The following PLET1 variants were observed in gnomAD, a reference collection of about 807,000 sequenced individuals.
PLET1 encodes placenta expressed transcript 1.
Under a neutral mutation model 18.5 loss-of-function variants are expected in PLET1, and 20 were observed. The ratio of observed to expected loss-of-function variants is 1.08; its 90% CI spans 0.76 to 1.57. PLET1 has a LOEUF of 1.57. Ranked by LOEUF, PLET1 falls within the 40% of genes most tolerant of loss-of-function variation. The probability of loss-of-function intolerance (pLI) is 0.00; values close to 1 mark genes in which losing one functional copy is unlikely to be tolerated. For missense variants in PLET1, 256 were observed against 246.4 expected (o/e 1.04, Z -0.26); for synonymous variants, 93 against 93.8 (o/e 0.99, Z 0.05).
chr11:112,251,128 A>C (rs1860150647), intron 3 of PLET1, among the ~76,000 whole-genome samples: 1 of 152,170 alleles, frequency 6.6e-6, no homozygotes, highest in South Asian at 2.1e-4. Context: ...AAAGTCATTC[A>C]AAAACAATGT....
At position 112,248,351 on chromosome 11, in the gene PLET1, C is replaced by T. The variant is rs1250440214; in HGVS notation, c.*448G>A. 3 of 376,840 alleles carry T rather than the reference C, an allele frequency of 8.0e-6. No homozygotes were observed. Among genetic ancestry groups the T allele is most frequent in the African/African-American group, 6.2e-5 (3 of 48,192 alleles). The allele number at this position is 376,840 out of a possible 1,614,324, so 23.3% of individuals were successfully genotyped here. A position where few individuals can be genotyped will look rare whatever the true frequency, so the allele number is the denominator to read the frequency against. On this transcript the variant is annotated 3_prime_UTR_variant, in exon 4 of 4. Coordinates refer to ENST00000338832, the MANE Select transcript of PLET1 (RefSeq NM_001145024.1). The stretch of plus-strand genomic sequence containing the variant: ...CTCCTTTCTCCTTTCTTTCTTGAGT[C>T]ACATGAGTCACAGAAGTTCCTTGTA...
intron 1 of PLET1, among the ~76,000 whole-genome samples, chr11:112,257,601 C>T (rs976021389): frequency 6.6e-6 from 1 of 151,708 alleles, no homozygotes; most frequent in African/African-American, 2.4e-5. Flanking sequence ...TCCCTCTTGC[C>T]CATAGAAGTT....
chr11:112,252,831 A>G (rs1376938671), intron 2 of PLET1, among the ~76,000 whole-genome samples: 1 of 152,180 alleles, frequency 6.6e-6, no homozygotes, highest in Non-Finnish European at 1.5e-5. Flanking sequence ...CTCTGTCCCC[A>G]TGGGAGGACC....
chr11:112,254,061 A>G (rs1429805227), intron 2 of PLET1, among the ~76,000 whole-genome samples: 1 of 152,214 alleles, frequency 6.6e-6, no homozygotes, highest in Non-Finnish European at 1.5e-5. Context: ...TTACACAATC[A>G]TCACACTTTC....
chr11:112,254,415 A>ACGTGTGTG (rs1860190980), intron 2 of PLET1, among the ~76,000 whole-genome samples: 3 of 120,706 alleles, frequency 2.5e-5, no homozygotes, highest in Admixed American at 8.6e-5. Context: ...TCGTGTGTGT[A>ACGTGTGTG]TGGTATGTAC....
intron 3 of PLET1, 61 bp downstream of exon 3, chr11:112,252,284 AGGT>A: frequency 1.4e-6 from 2 of 1,421,840 alleles, no homozygotes; most frequent in South Asian, 2.5e-5. Flanking sequence ...GGAACCCACA[AGGT>A]AATTTTCCAG....
Position 112,255,541 on chromosome 11 carries a change from A to C in PLET1, c.233T>G (p.Leu78Trp). 6.4e-7 allele frequency: 1 copy of C among 1,551,450 alleles called. No homozygotes were observed. Among genetic ancestry groups the C allele is most frequent in the Non-Finnish European group, 8.7e-7 (1 of 1,146,844 alleles). ...GCCCGCTGAGTCACTGTTCTCGTCCAAGGTTTTCATGACCACAGCATAGAC... is the reference window on the plus strand; with the variant it reads ...GCCCGCTGAGTCACTGTTCTCGTCCCAGGTTTTCATGACCACAGCATAGAC... ...DSVYAVVMKT[L>W]DENSDSAGLW... The change falls in exon 2 of 4, where the codon TTG (leucine) becomes TGG (tryptophan). Residue 78 changes from leucine to tryptophan, a missense_variant. Leu to Trp is a moderately conservative substitution (Grantham distance 61). Coordinates refer to ENST00000338832, the MANE Select transcript of PLET1 (RefSeq NM_001145024.1).
At chr11:112,259,214 G>T (rs1860259429) in intron 1 of PLET1, among the ~76,000 whole-genome samples, 1 of 152,204 alleles carries the variant, frequency 6.6e-6, no homozygotes, top group Admixed American at 6.5e-5. Flanking sequence ...CTACTATAAG[G>T]AAGAGTATAT....
At chr11:112,259,107 T>G (rs757432318) in intron 1 of PLET1, among the ~76,000 whole-genome samples, 2 of 152,244 alleles carry the variant, frequency 1.3e-5, no homozygotes, top group African/African-American at 2.4e-5. Context: ...TTAGTGTAAA[T>G]TTTTAACTTC....
chr11:112,254,103 G>A (rs770333579), intron 2 of PLET1, among the ~76,000 whole-genome samples: 13 of 152,042 alleles, frequency 8.6e-5, no homozygotes, highest in Non-Finnish European at 1.9e-4. Context: ...GTGAATCCAT[G>A]TTTTAAAAAA....
chr11:112,254,519 GGTAT>G (rs768831418), intron 2 of PLET1, among the ~76,000 whole-genome samples: 5 of 144,536 alleles, frequency 3.5e-5, no homozygotes, highest in Admixed American at 1.4e-4. Flanking sequence ...TGGTGTGTGT[GGTAT>G]GTATGTGTGT....
At chr11:112,259,494 T>C (rs1860262924) in intron 1 of PLET1, among the ~76,000 whole-genome samples, 1 of 152,212 alleles carries the variant, frequency 6.6e-6, no homozygotes, top group Non-Finnish European at 1.5e-5. Context: ...AAAAAATATC[T>C]ACTGGACACC....
Position 112,260,695 on chromosome 11 carries a change from T to G in PLET1, c.-106A>C. On this transcript the variant is annotated 5_prime_UTR_variant, in exon 1 of 4. Coordinates refer to ENST00000338832, the MANE Select transcript of PLET1 (RefSeq NM_001145024.1). ...CTGGGTGAAGTCATACATGCAGATCTTCTCCCTGCCCCTTCTGAATATACA... is the reference window on the plus strand; with the variant it reads ...CTGGGTGAAGTCATACATGCAGATCGTCTCCCTGCCCCTTCTGAATATACA... 1.0e-6 allele frequency: 1 copy of G among 969,828 alleles called. No individual in the cohort carries two copies. Among genetic ancestry groups the G allele is most frequent in the Non-Finnish European group, 1.5e-6 (1 of 659,592 alleles). 60.1% of individuals were successfully genotyped at this position (969,828 alleles called of 1,614,324 possible).
chr11:112,255,517 C>T lies in PLET1; in HGVS notation c.257G>A (p.Gly86Asp), dbSNP rs992964811. Reference protein sequence around the residue: ...KTLDENSDSAGLWQRADKNCY... With the variant: ...KTLDENSDSADLWQRADKNCY... Reference sequence around the variant, plus strand: ...ATTTTTATCCGCTCTTTGCCAGAGGCCCGCTGAGTCACTGTTCTCGTCCAA... The same window carrying T: ...ATTTTTATCCGCTCTTTGCCAGAGGTCCGCTGAGTCACTGTTCTCGTCCAA... The change falls in exon 2 of 4, where the codon GGC becomes GAC. Residue 86 changes from glycine (G) to aspartate (D), a missense_variant. By Grantham distance (94) the Gly-to-Asp change is moderately conservative. Coordinates refer to ENST00000338832, the MANE Select transcript of PLET1 (RefSeq NM_001145024.1). 29 of 1,551,698 alleles carry T rather than the reference C, an allele frequency of 1.9e-5. No individual in the cohort carries two copies. The East Asian group carries it at 6.8e-4, about 37-fold the overall frequency.
intron 1 of PLET1, among the ~76,000 whole-genome samples, chr11:112,259,023 G>T (rs1321170661): frequency 6.6e-6 from 1 of 152,224 alleles, no homozygotes; most frequent in African/African-American, 2.4e-5. Context: ...TCTGAAGCTG[G>T]ACAGCTGGCT....
intron 2 of PLET1, 32 bp from the exon 3 acceptor site, chr11:112,252,441 T>G: frequency 6.5e-7 from 1 of 1,534,278 alleles, no homozygotes; most frequent in Non-Finnish European, 8.8e-7. Flanking sequence ...GAGATAATGC[T>G]GAGGACCTCA....
chr11:112,252,477 A>G, intron 2 of PLET1, 68 bp from the exon 3 acceptor site: 3 of 1,386,924 alleles, frequency 2.2e-6, no homozygotes, highest in East Asian at 2.5e-5. Flanking sequence ...TTCAGCTCAC[A>G]TTTCGGACTT....
At chr11:112,254,870 GGTGC>G in intron 2 of PLET1, among the ~76,000 whole-genome samples, 1 of 137,474 alleles carries the variant, frequency 7.3e-6, no homozygotes, top group South Asian at 2.5e-4. Flanking sequence ...ATGTGTGTGT[GGTGC>G]ATGTGGTATG....
At chr11:112,257,727 G>T (rs1022032081) in intron 1 of PLET1, among the ~76,000 whole-genome samples, 1 of 152,028 alleles carries the variant, frequency 6.6e-6, no homozygotes, top group East Asian at 1.9e-4. Context: ...CTAATATGTT[G>T]CTTGAGCTGC....
Sources: gnomAD v4.1 joint callset for allele counts (sites outside exome capture counted in the v4.1 genomes callset) on GRCh38, gnomAD v4.1.1 for gene constraint, MANE v1.5 for transcripts, NCBI Gene and HGNC (gene_info 2026-07-23, HGNC 2026-07-21) for gene names.